The following LRIG2 variants were observed in gnomAD, a reference collection of about 807,000 sequenced individuals.
LRIG2 encodes the protein leucine-rich repeats and immunoglobulin-like domains protein 2.
LRIG2 carries 93 observed loss-of-function variants against 107.8 expected under a neutral mutation model. The ratio of observed to expected loss-of-function variants is 0.86; its 90% CI spans 0.73 to 1.03. LRIG2 has a LOEUF of 1.03. LRIG2 is among the 50% of genes least tolerant of loss of function. The pLI is 0.00. For synonymous variants in LRIG2, 471 were observed against 470.6 expected (o/e 1.00, Z -0.01); for missense variants, 1,226 against 1,296.0 (o/e 0.95, Z 0.83).
chr1:113,124,127 C>T lies in LRIG2; in HGVS notation c.*26C>T. ...AACTCACTTCAGGATGAAATCTGGG[C>T]AGAGACTTATTAATTAATTTTGCAT... On this transcript the variant is annotated 3_prime_UTR_variant, in exon 18 of 18. Transcript: ENST00000361127. 1 of 1,593,290 alleles carries T rather than the reference C, an allele frequency of 6.3e-7. No individual in the cohort carries two copies. The highest frequency in any genetic ancestry group is 8.6e-7 in the Non-Finnish European group (1 of 1,161,708).
Position 113,073,392 on chromosome 1 carries a change from A to T in LRIG2, c.-15A>T, listed in dbSNP as rs760467331. ...CAGGCAGCTCTTCTAGGCCACGTCC[A>T]GGTCGAGGGGGAAAATGGCGCCGGC... On this transcript the variant is annotated 5_prime_UTR_variant, in exon 1 of 18. Coordinates refer to ENST00000361127, the MANE Select transcript of LRIG2 (RefSeq NM_014813.3). 4 of 1,606,840 alleles carry T rather than the reference A, an allele frequency of 2.5e-6. No individual in the cohort carries two copies. Among genetic ancestry groups the T allele is most frequent in the East Asian group, 2.2e-5 (1 of 44,846 alleles).
At chr1:113,074,748 A>C (rs1325022764) in intron 1 of LRIG2, among the ~76,000 whole-genome samples, 2 of 151,858 alleles carry the variant, frequency 1.3e-5, no homozygotes, top group African/African-American at 4.8e-5. Flanking sequence ...CTCTACTAAA[A>C]ATACAAAAAA....
Position 113,073,328 on chromosome 1 carries a change from C to A in LRIG2, c.-79C>A. The A allele has an allele frequency of 1.7e-6, 2 of 1,157,210 alleles. No homozygotes were observed. The highest frequency in any genetic ancestry group is 2.6e-6 in the Non-Finnish European group (2 of 783,648). The allele number at this position is 1,157,210 out of a possible 1,614,324, so 71.7% of individuals were successfully genotyped here. On this transcript the variant is annotated 5_prime_UTR_variant, in exon 1 of 18. Coordinates refer to ENST00000361127, the MANE Select transcript of LRIG2 (RefSeq NM_014813.3). ...TTCGGGAGACAGTGCAGCCACCGAGCATCTCTGCTGAGCTTCTCCGCCGAT... is the reference window on the plus strand; with the variant it reads ...TTCGGGAGACAGTGCAGCCACCGAGAATCTCTGCTGAGCTTCTCCGCCGAT...
At chr1:113,090,588 A>G (rs1296913930) in intron 1 of LRIG2, among the ~76,000 whole-genome samples, 1 of 151,634 alleles carries the variant, frequency 6.6e-6, no homozygotes, top group Non-Finnish European at 1.5e-5. Flanking sequence ...CTGTATACCC[A>G]GCATTTTGAG....
chr1:113,118,738 C>T (rs1407534160), intron 16 of LRIG2, among the ~76,000 whole-genome samples: 2 of 151,506 alleles, frequency 1.3e-5, no homozygotes, highest in Non-Finnish European at 2.9e-5. Flanking sequence ...GATCTCGGCT[C>T]ACTGCAAGCT....
chr1:113,105,689 G>A (rs1348630762), intron 11 of LRIG2, among the ~76,000 whole-genome samples: 1 of 152,152 alleles, frequency 6.6e-6, no homozygotes, highest in Non-Finnish European at 1.5e-5. Flanking sequence ...CAGGTGGGAG[G>A]ATCCTCTGAG....
intron 1 of LRIG2, among the ~76,000 whole-genome samples, chr1:113,076,551 C>G (rs1652991732): frequency 6.6e-6 from 1 of 152,144 alleles, no homozygotes; most frequent in Non-Finnish European, 1.5e-5. Flanking sequence ...TGGTAGAACT[C>G]TTAGAATATT....
intron 7 of LRIG2, 72 bp from the exon 8 acceptor site, chr1:113,096,150 G>A: frequency 1.9e-6 from 3 of 1,583,128 alleles, no homozygotes; most frequent in Non-Finnish European, 2.6e-6. Context: ...AATTTACCAT[G>A]TAGATATAAT....
chr1:113,097,538 T>C (rs1255200647), intron 8 of LRIG2, among the ~76,000 whole-genome samples: 3 of 152,242 alleles, frequency 2.0e-5, no homozygotes. Flanking sequence ...TCCTATATTA[T>C]CAGAAGTGAA....
Position 113,093,464 on chromosome 1 carries a change from G to A in LRIG2, c.415G>A (p.Ala139Thr). The A allele has an allele frequency of 6.2e-7, 1 of 1,613,408 alleles. No homozygotes were observed. Among genetic ancestry groups the A allele is most frequent in the Non-Finnish European group, 8.5e-7 (1 of 1,179,516 alleles). ...TATAATCCCAGAAATAAATGCACAGGCACTCCAGTTTTACCCTGCTCTGGA... is the reference window on the plus strand; with the variant it reads ...TATAATCCCAGAAATAAATGCACAGACACTCCAGTTTTACCCTGCTCTGGA... ...HNIIPEINAQ[A>T]LQFYPALESL... The change falls in exon 4 of 18, where the codon GCA (alanine) becomes ACA (threonine). Residue 139 changes from alanine (A) to threonine (T), a missense_variant. Ala to Thr is a moderately conservative substitution (Grantham distance 58). Around this residue, in one of 3 missense-constraint regions of LRIG2, gnomAD observed 570 missense variants for 550.2 expected, o/e 1.04. Coordinates refer to ENST00000361127, the MANE Select transcript of LRIG2 (RefSeq NM_014813.3).
chr1:113,090,803 A>G (rs1247113166), intron 1 of LRIG2, among the ~76,000 whole-genome samples: 1 of 151,180 alleles, frequency 6.6e-6, no homozygotes, highest in Non-Finnish European at 1.5e-5. Context: ...GCGCCACTGT[A>G]CTCCAGCCTG....
chr1:113,110,990 T>TG lies in LRIG2; in HGVS notation c.1798+428_1798+429insG, dbSNP rs1654751194. Among the ~76,000 whole-genome samples the TG allele has an allele frequency of 4.0e-5, 6 of 149,520 alleles. 1 individual carries two copies. In the South Asian group the frequency reaches 8.6e-4, roughly 21 times the overall value. ...TCTAAATGTAGTTACACAGGATCATTTGTGTGTGTGTGTGTGTGTGTATTT... is the reference window on the plus strand; with the variant it reads ...TCTAAATGTAGTTACACAGGATCATTGTGTGTGTGTGTGTGTGTGTGTATTT... On this transcript the variant is annotated intron_variant, in intron 13 of 17. Transcript: ENST00000361127.
intron 1 of LRIG2, among the ~76,000 whole-genome samples, chr1:113,073,971 A>C: frequency 9.5e-6 from 1 of 105,026 alleles, no homozygotes; most frequent in East Asian, 3.4e-4. Flanking sequence ...TTGACTTTGG[A>C]TGGTTGGTGG....
intron 1 of LRIG2, among the ~76,000 whole-genome samples, chr1:113,078,440 T>C (rs532404330): frequency 1.9e-4 from 29 of 152,000 alleles, no homozygotes; most frequent in Non-Finnish European, 3.5e-4. Context: ...GGTTTCACCA[T>C]GTTGGCCAGG....
chr1:113,128,056 TAAATA>T lies in LRIG2; in HGVS notation c.*3959_*3963del, dbSNP rs1272084270. 6.6e-6 allele frequency: 1 copy of T among 152,230 alleles called. No homozygotes were observed. The highest frequency in any genetic ancestry group is 2.4e-5 in the African/African-American group (1 of 41,464). The allele number at this position is 152,230 out of a possible 1,614,324, so 9.4% of individuals were successfully genotyped here. A position where few individuals can be genotyped will look rare whatever the true frequency, so the allele number is the denominator to read the frequency against. On this transcript the variant is annotated 3_prime_UTR_variant, in exon 18 of 18. Coordinates refer to ENST00000361127, the MANE Select transcript of LRIG2 (RefSeq NM_014813.3). ...TACTCACTAGATAATTTCAGCCACT[TAAATA>T]AAAATATCTATTTTTAAGTCCTGGT...
intron 1 of LRIG2, among the ~76,000 whole-genome samples, chr1:113,083,172 A>T (rs1189191735): frequency 6.7e-6 from 1 of 150,356 alleles, no homozygotes; most frequent in Non-Finnish European, 1.5e-5. Context: ...CAGCCTTCTA[A>T]TTGCTGGCAT....
chr1:113,112,457 T>C, intron 13 of LRIG2, 22 bp from the exon 14 acceptor site: 1 of 1,590,100 alleles, frequency 6.3e-7, no homozygotes, highest in Non-Finnish European at 8.6e-7. Flanking sequence ...CCACTTTTTC[T>C]TGGTGATTTT....
chr1:113,116,597 TA>T (rs755041923), intron 16 of LRIG2, among the ~76,000 whole-genome samples, 161 bp downstream of exon 16: 4 of 152,214 alleles, frequency 2.6e-5, no homozygotes, highest in Non-Finnish European at 5.9e-5. Flanking sequence ...ACTAAAGTCT[TA>T]AAAGGATATG....
intron 4 of LRIG2, among the ~76,000 whole-genome samples, chr1:113,094,072 C>G (rs1653941899): frequency 6.6e-6 from 1 of 152,130 alleles, no homozygotes; most frequent in African/African-American, 2.4e-5. Flanking sequence ...CAATGGCTTA[C>G]TGTATATAAT....
Sources: allele counts gnomAD v4.1 joint callset (sites outside exome capture counted in the v4.1 genomes callset), GRCh38; gene constraint gnomAD v4.1.1; regional missense constraint gnomAD v4.1.1; transcripts MANE v1.5; gene names NCBI Gene and HGNC (gene_info 2026-07-23, HGNC 2026-07-21).